Variants in DLGAP3 observed in about 807,000 individuals in gnomAD.
The protein encoded by DLGAP3 is DLG associated protein 3.
In DLGAP3, 17 loss-of-function variants were observed where a neutral mutation model predicts 81.2. The ratio of observed to expected loss-of-function variants is 0.21; its 90% CI spans 0.14 to 0.31. DLGAP3 has a LOEUF of 0.31. Ranked by LOEUF, DLGAP3 falls within the 10% of genes least tolerant of loss-of-function variation. DLGAP3 has a pLI of 1.00. For synonymous variants in DLGAP3, 577 were observed against 587.4 expected, an observed-to-expected ratio of 0.98 and a Z score of 0.26; for missense variants, 1,124 against 1,388.0, an observed-to-expected ratio of 0.81 and a Z score of 3.02.
At position 34,904,428 on chromosome 1, in the gene DLGAP3, G is replaced by A; in HGVS notation, c.956C>T (p.Ser319Phe). The change falls in exon 3 of 12, where the codon TCC becomes TTC. Residue 319 changes from serine (S) to phenylalanine (F), a missense_variant. Coordinates refer to ENST00000373347, the MANE Select transcript of DLGAP3 (RefSeq NM_001080418.3). This position sits in a 1 kb window ranked among gnomAD's most constrained non-coding sequence, Gnocchi z 8.1. ...GACCGACTGTCCATCCAGTGACATG[G>A]ACATGCCAGTGCAGGCAAGGCAGCG... Reference protein sequence around the residue: ...EGRCLACTGMSMSLDGQSVKR... With the variant: ...EGRCLACTGMFMSLDGQSVKR... 6.2e-7 allele frequency: 1 copy of A among 1,614,084 alleles called. No individual in the cohort carries two copies. Among genetic ancestry groups the A allele is most frequent in the Non-Finnish European group, 8.5e-7 (1 of 1,180,034 alleles).
At chr1:34,899,098 T>A (rs985743675) in intron 5 of DLGAP3, among the ~76,000 whole-genome samples, 1 of 151,728 alleles carries the variant, frequency 6.6e-6, no homozygotes, top group African/African-American at 2.4e-5. Flanking sequence ...TTTTTTTTTT[T>A]TTTTTTTTTA....
intron 1 of DLGAP3, among the ~76,000 whole-genome samples, chr1:34,924,542 C>T (rs1639839905): frequency 6.6e-6 from 1 of 152,200 alleles, no homozygotes; most frequent in African/African-American, 2.4e-5. Flanking sequence ...AACTCCTGAG[C>T]TGTAACCACC....
chr1:34,917,795 C>T (rs1639739561), intron 1 of DLGAP3, among the ~76,000 whole-genome samples: 1 of 152,190 alleles, frequency 6.6e-6, no homozygotes, highest in Non-Finnish European at 1.5e-5. Context: ...TTCATTAAAT[C>T]CTCCCCAAAC....
chr1:34,920,587 G>C (rs1158709417), intron 1 of DLGAP3, among the ~76,000 whole-genome samples: 1 of 152,166 alleles, frequency 6.6e-6, no homozygotes, highest in Non-Finnish European at 1.5e-5. Context: ...CACTCCCACT[G>C]CTGGTGTTCT....
At position 34,923,100 on chromosome 1, in the gene DLGAP3, C is replaced by T. The variant is rs74064476; in HGVS notation, c.-135+6351G>A. On this transcript the variant is annotated intron_variant, in intron 1 of 11. Transcript: ENST00000373347. ...AGACAATCCCCCCGTATATGCAACC[C>T]CTTAACTCTAAAAAAGAAAGAACGA... Among the ~76,000 whole-genome samples, 37 of 152,124 alleles carry T rather than the reference C, an allele frequency of 2.4e-4. 1 individual carries two copies. The highest frequency in any genetic ancestry group is 8.9e-4 in the African/African-American group (37 of 41,480).
intron 11 of DLGAP3, 105 bp downstream of exon 11, chr1:34,866,943 C>A: frequency 1.5e-6 from 2 of 1,345,638 alleles, no homozygotes; most frequent in Non-Finnish European, 2.1e-6. Flanking sequence ...CCTTGCTGCC[C>A]ATGGATCCCT....
At chr1:34,912,027 G>A (rs994104826) in intron 1 of DLGAP3, among the ~76,000 whole-genome samples, 2 of 152,300 alleles carry the variant, frequency 1.3e-5, no homozygotes, top group East Asian at 3.9e-4. Flanking sequence ...CTTACTGGCT[G>A]TGTGTACTTG....
chr1:34,890,013 G>A (rs1280744189), intron 5 of DLGAP3, among the ~76,000 whole-genome samples: 2 of 152,186 alleles, frequency 1.3e-5, no homozygotes, highest in African/African-American at 4.8e-5. Flanking sequence ...GTTAGGAAAA[G>A]TGAAACCTTT....
intron 1 of DLGAP3, among the ~76,000 whole-genome samples, chr1:34,907,855 A>C (rs975614365): frequency 2.6e-5 from 4 of 152,190 alleles, no homozygotes; most frequent in Admixed American, 2.6e-4. Context: ...CAGGGGAACA[A>C]CCTCTCACGT....
At chr1:34,872,417 G>A (rs541211817) in intron 8 of DLGAP3, among the ~76,000 whole-genome samples, 2 of 152,314 alleles carry the variant, frequency 1.3e-5, no homozygotes, top group African/African-American at 4.8e-5. Context: ...AAGGGAGGAA[G>A]ACAGAAGAGA....
At chr1:34,869,990 G>A (rs2148392950) in intron 8 of DLGAP3, among the ~76,000 whole-genome samples, 1 of 152,310 alleles carries the variant, frequency 6.6e-6, no homozygotes, top group African/African-American at 2.4e-5. Flanking sequence ...ATGCCTTGGA[G>A]CAGCTGGAGG....
At position 34,868,778 on chromosome 1, in the gene DLGAP3, C is replaced by T. The variant is rs771172185; in HGVS notation, c.2312G>A (p.Arg771His). ...TGAACCGCGCTCTATCCAGGAGTCACGGCGGCCGGCCCCAGGGCCGGGGGT... is the reference window on the plus strand; with the variant it reads ...TGAACCGCGCTCTATCCAGGAGTCATGGCGGCCGGCCCCAGGGCCGGGGGT... The part of the protein sequence containing the change: ...APTPGPGAGR[R>H]DSWIERGSRS... Residue 771 changes from arginine (R) to histidine (H), a missense_variant, in exon 9 of 12, where the codon CGT becomes CAT. By Grantham distance (29) the Arg-to-His change is conservative. Coordinates refer to ENST00000373347, the MANE Select transcript of DLGAP3 (RefSeq NM_001080418.3). This position sits in a 1 kb window ranked among gnomAD's most constrained non-coding sequence, Gnocchi z 7.5. The T allele has an allele frequency of 8.8e-6, 14 of 1,591,480 alleles. No individual in the cohort carries two copies. The highest frequency in any genetic ancestry group is 4.0e-5 in the African/African-American group (3 of 74,634).
chr1:34,892,026 C>T (rs1388911488), intron 5 of DLGAP3, among the ~76,000 whole-genome samples: 1 of 152,026 alleles, frequency 6.6e-6, no homozygotes, highest in African/African-American at 2.4e-5. Flanking sequence ...ATGCATATCC[C>T]CAAATGTTGC....
intron 1 of DLGAP3, chr1:34,925,327 C>G (rs190014772): frequency 6.5e-6 from 1 of 152,860 alleles, no homozygotes; most frequent in East Asian, 1.9e-4. Context: ...GTTCTAAAAA[C>G]CACTTTCCTT....
At chr1:34,921,286 A>T (rs1639791617) in intron 1 of DLGAP3, among the ~76,000 whole-genome samples, 2 of 152,172 alleles carry the variant, frequency 1.3e-5, no homozygotes, top group Admixed American at 1.3e-4. Flanking sequence ...GAAAGAGTCT[A>T]CGGAGGTGGG....
chr1:34,867,730 T>G lies in DLGAP3; in HGVS notation c.2486-103A>C. 1 of 929,334 alleles carries G rather than the reference T, an allele frequency of 1.1e-6. No homozygotes were observed. The highest frequency in any genetic ancestry group is 1.7e-6 in the Non-Finnish European group (1 of 572,162). 57.6% of individuals were successfully genotyped at this position (929,334 alleles called of 1,614,324 possible). On this transcript the variant is annotated intron_variant, in intron 9 of 11. Transcript: ENST00000373347. This position sits in a 1 kb window ranked among gnomAD's most constrained non-coding sequence, Gnocchi z 4.3. ...CGCTGACCCCTCGGTTGCTTGGCAC[T>G]GTGTATCCATCAGTCTCCTCCAGCC...
rs1638904378 is a variant in DLGAP3 at position 34,867,497 on chromosome 1, C to T, written c.2577+39G>A. On this transcript the variant is annotated intron_variant, in intron 10 of 11. Coordinates refer to ENST00000373347, the MANE Select transcript of DLGAP3 (RefSeq NM_001080418.3). The surrounding 1 kb of genome is among the most constrained non-coding windows in gnomAD (Gnocchi z 4.3). ...CCTCCAGCACACACACACTCTGGGT[C>T]ACATGTATCTGGTAGGATCTACTAC... 1.3e-6 allele frequency: 2 copies of T among 1,546,550 alleles called. No homozygotes were observed. Among genetic ancestry groups the T allele is most frequent in the Admixed American group, 1.7e-5 (1 of 59,922 alleles).
intron 3 of DLGAP3, among the ~76,000 whole-genome samples, chr1:34,903,203 G>T (rs1449882538): frequency 6.6e-6 from 1 of 152,176 alleles, no homozygotes. Flanking sequence ...CTGAGATTCA[G>T]CTCAGGGGAC....
Position 34,885,732 on chromosome 1 carries a change from T to G in DLGAP3, c.1660A>C (p.Ile554Leu). The change falls in exon 7 of 12, where the codon ATC becomes CTC. Residue 554 changes from isoleucine (I) to leucine (L), a missense_variant. This residue lies in a region of DLGAP3 where 379 missense variants were observed against 455.7 expected (regional missense o/e 0.83). Transcript: ENST00000373347. Reference sequence around the variant, plus strand: ...GTGCTGCTCTGGGCGGTGATGGAGATGCGGGGCGGGGCCTGGCTTCCCGGC... The same window carrying G: ...GTGCTGCTCTGGGCGGTGATGGAGAGGCGGGGCGGGGCCTGGCTTCCCGGC... ...IPPGSQAPPRISITAQSSTDS... is the reference protein window; with the variant it reads ...IPPGSQAPPRLSITAQSSTDS... 1 of 1,414,812 alleles carries G rather than the reference T, an allele frequency of 7.1e-7. No individual in the cohort carries two copies. The highest frequency in any genetic ancestry group is 9.2e-7 in the Non-Finnish European group (1 of 1,092,630). 87.6% of individuals were successfully genotyped at this position (1,414,812 alleles called of 1,614,324 possible).
Sources: gnomAD v4.1 joint callset for allele counts (sites outside exome capture counted in the v4.1 genomes callset) on GRCh38, gnomAD v4.1.1 for gene constraint, gnomAD v4.1.1 regional missense constraint, Gnocchi (gnomAD v3.1) non-coding constraint, MANE v1.5 for transcripts, NCBI Gene and HGNC (gene_info 2026-07-23, HGNC 2026-07-21) for gene names.